Variants in NACC1 observed in about 807,000 individuals in gnomAD.
NACC1 encodes nucleus accumbens associated 1, also known as nucleus accumbens-associated protein 1.
NACC1 carries 6 observed loss-of-function variants against 41.7 expected under a neutral mutation model. The observed-to-expected ratio is 0.14, with a 90% CI of 0.08 to 0.28. NACC1 has a LOEUF of 0.28. Ranked by LOEUF, NACC1 falls within the 10% of genes least tolerant of loss-of-function variation. The pLI is 1.00. For synonymous variants in NACC1, 338 were observed against 330.6 expected (o/e 1.02, Z -0.24); for missense variants, 434 against 763.7 (o/e 0.57, Z 5.09).
intron 1 of NACC1, among the ~76,000 whole-genome samples, chr19:13,133,888 C>T (rs1599996042): frequency 6.6e-6 from 1 of 152,218 alleles, no homozygotes; most frequent in South Asian, 2.1e-4. Flanking sequence ...GACATTCCCA[C>T]AAGCAGTGGA....
Position 13,135,780 on chromosome 19 carries a change from G to A in NACC1, c.573G>A (p.Lys191=). 1 of 1,558,754 alleles carries A rather than the reference G, an allele frequency of 6.4e-7. No individual in the cohort carries two copies. The highest frequency in any genetic ancestry group is 1.2e-5 in the South Asian group (1 of 84,954). ...VAKRLWDSGQ[K]EAGGGGNGSR... is the part of the protein sequence containing the mutation. ...AGCGGCTGTGGGACAGTGGCCAGAA[G>A]GAGGCTGGGGGCGGCGGCAATGGCA... The change falls in exon 2 of 6, where the codon AAG becomes AAA. Residue 191 remains lysine (K), a synonymous_variant. Transcript: ENST00000292431.
chr19:13,132,848 C>A (rs1207446792), intron 1 of NACC1, among the ~76,000 whole-genome samples: 1 of 152,170 alleles, frequency 6.6e-6, no homozygotes, highest in Non-Finnish European at 1.5e-5. Flanking sequence ...CCTCCTCAGC[C>A]TCGATTTCCA....
Position 13,138,414 on chromosome 19 carries a change from A to T in NACC1, c.*8A>T. The stretch of plus-strand genomic sequence containing the variant: ...GCTGAAGCCCTGCAGTAACCCGCCC[A>T]GCCTCCCGCGGGGCCACACACTTCC... On this transcript the variant is annotated 3_prime_UTR_variant, in exon 6 of 6. Coordinates refer to ENST00000292431, the MANE Select transcript of NACC1 (RefSeq NM_052876.4). This position sits in a 1 kb window ranked among gnomAD's most constrained non-coding sequence, Gnocchi z 5.7. The T allele has an allele frequency of 6.2e-7, 1 of 1,607,730 alleles. No homozygotes were observed. The highest frequency in any genetic ancestry group is 8.5e-7 in the Non-Finnish European group (1 of 1,179,272).
intron 1 of NACC1, among the ~76,000 whole-genome samples, chr19:13,125,281 C>G (rs1250673419): frequency 1.3e-5 from 2 of 152,170 alleles, no homozygotes; most frequent in Non-Finnish European, 2.9e-5. Flanking sequence ...GGGCCCATCT[C>G]TCATAGATAG....
rs2019716819 is a variant in NACC1, at chr19:13,137,058, C to A, written c.1121-213C>A. 2.0e-5 allele frequency among the ~76,000 whole-genome samples: 3 copies of A among 152,172 alleles called. No individual in the cohort carries two copies. Among genetic ancestry groups the A allele is most frequent in the East Asian group, 1.9e-4 (1 of 5,182 alleles). On this transcript the variant is annotated intron_variant, in intron 3 of 5. Transcript: ENST00000292431. This position sits in a 1 kb window ranked among gnomAD's most constrained non-coding sequence, Gnocchi z 6.1. ...GGTGAAGCAACCCTTTCTGTCCTTT[C>A]CTGAGCACTGATGAGGTTGGGGGAG...
At position 13,118,451 on chromosome 19, in the gene NACC1, G is replaced by GCAGGTGAGGCGGCCCGCCT. The variant is rs1268018402; in HGVS notation, c.-9+2_-9+20dup. ...GGACCCCCCGGAGCGCGGCCACGGC[G>GCAGGTGAGGCGGCCCGCCT]CAGGTGAGGCGGCCCGCCTCAGGCC... On this transcript the variant is annotated 5_prime_UTR_variant, in exon 1 of 6. It introduces an in-frame stop codon into an upstream open reading frame of the 5' UTR. Coordinates refer to ENST00000292431, the MANE Select transcript of NACC1 (RefSeq NM_052876.4). 3 of 150,190 alleles carry GCAGGTGAGGCGGCCCGCCT rather than the reference G, an allele frequency of 2.0e-5. No homozygotes were observed. The highest frequency in any genetic ancestry group is 4.9e-5 in the African/African-American group (2 of 41,218). The allele number at this position is 150,190 out of a possible 1,614,324, so 9.3% of individuals were successfully genotyped here.
In NACC1 at chr19:13,135,977, G is replaced by A; in HGVS notation, c.770G>A (p.Ser257Asn). 1 of 1,609,138 alleles carries A rather than the reference G, an allele frequency of 6.2e-7. No homozygotes were observed. The highest frequency in any genetic ancestry group is 2.2e-5 in the East Asian group (1 of 44,688). ...AAAGGVVSGPSTSERTSPGTS... is the reference protein window; with the variant it reads ...AAAGGVVSGPNTSERTSPGTS... ...GCAGGGGGTGTGGTGAGTGGGCCCA[G>A]CACGTCGGAGCGGACCAGCCCAGGC... Residue 257 changes from serine to asparagine, a missense_variant, in exon 2 of 6, where the codon AGC becomes AAC. Physicochemically the swap from Ser to Asn is conservative, Grantham distance 46 (BLOSUM62 1). This residue lies in a region of NACC1 where 234 missense variants were observed against 308.3 expected (regional missense o/e 0.76). Coordinates refer to ENST00000292431, the MANE Select transcript of NACC1 (RefSeq NM_052876.4).
Position 13,137,984 on chromosome 19 carries a change from G to C in NACC1, c.1325-163G>C, listed in dbSNP as rs2019730223. On this transcript the variant is annotated intron_variant, in intron 5 of 5. Coordinates refer to ENST00000292431, the MANE Select transcript of NACC1 (RefSeq NM_052876.4). This position sits in a 1 kb window ranked among gnomAD's most constrained non-coding sequence, Gnocchi z 6.1. ...ACATCCCCACACATGGCTGAACTCA[G>C]TCCGGTGTAGGGTTGGGTGCACGTA... Among the ~76,000 whole-genome samples, 1 of 152,256 alleles carries C rather than the reference G, an allele frequency of 6.6e-6. No homozygotes were observed. Among genetic ancestry groups the C allele is most frequent in the African/African-American group, 2.4e-5 (1 of 41,470 alleles).
intron 1 of NACC1, among the ~76,000 whole-genome samples, chr19:13,124,915 C>CA (rs1351950286): frequency 2.6e-5 from 4 of 151,858 alleles, no homozygotes; most frequent in Non-Finnish European, 5.9e-5. Context: ...CTCATCTTTA[C>CA]AAAAAAATTT....
intron 1 of NACC1, among the ~76,000 whole-genome samples, chr19:13,133,403 C>T (rs916106948): frequency 6.6e-6 from 1 of 152,100 alleles, no homozygotes; most frequent in Non-Finnish European, 1.5e-5. Flanking sequence ...TTTGCCTTCC[C>T]TTTGCTTTCC....
Position 13,136,363 on chromosome 19 carries a change from TACG to T in NACC1, c.1083_1085del (p.Asp361del). The T allele has an allele frequency of 6.2e-7, 1 of 1,614,076 alleles. No homozygotes were observed. Among genetic ancestry groups the T allele is most frequent in the South Asian group, 1.1e-5 (1 of 91,088 alleles). On this transcript the variant is annotated inframe_deletion, in exon 3 of 6. Transcript: ENST00000292431. The surrounding 1 kb of genome is among the most constrained non-coding windows in gnomAD (Gnocchi z 5.5). ...TGGGAACCGCTGCCACCCCAAGCTC[TACG>T]ACGAGGGCGACCCCTCTGAGAAGCT...
chr19:13,136,221 T>C lies in NACC1; in HGVS notation c.947-11T>C. The C allele has an allele frequency of 6.2e-7, 1 of 1,609,136 alleles. No individual in the cohort carries two copies. The highest frequency in any genetic ancestry group is 8.5e-7 in the Non-Finnish European group (1 of 1,177,104). On this transcript the variant is annotated splice_polypyrimidine_tract_variant and intron_variant, in intron 2 of 5. Coordinates refer to ENST00000292431, the MANE Select transcript of NACC1 (RefSeq NM_052876.4). The surrounding 1 kb of genome is among the most constrained non-coding windows in gnomAD (Gnocchi z 5.5). The stretch of plus-strand genomic sequence containing the variant: ...TCCTCCTGCCACTCGCGTGCCACTC[T>C]CTCCCTGCAGCCGAGAAGGTGGAGG...
At chr19:13,127,872 C>T in intron 1 of NACC1, among the ~76,000 whole-genome samples, 1 of 152,080 alleles carries the variant, frequency 6.6e-6, no homozygotes, top group South Asian at 2.1e-4. Flanking sequence ...AGAGAAAGGG[C>T]TTTATGTGAC....
chr19:13,126,564 C>G (rs984549638), intron 1 of NACC1, among the ~76,000 whole-genome samples: 5 of 152,128 alleles, frequency 3.3e-5, no homozygotes, highest in African/African-American at 1.2e-4. Context: ...ACAGTTACTA[C>G]TCCCAGGAAT....
intron 1 of NACC1, among the ~76,000 whole-genome samples, chr19:13,125,464 A>T (rs2019550590): frequency 7.5e-6 from 1 of 133,048 alleles, no homozygotes; most frequent in East Asian, 2.2e-4. Context: ...CTTGTTGCCC[A>T]GGCTGGAGTG....
chr19:13,124,414 A>G (rs1056828492), intron 1 of NACC1, among the ~76,000 whole-genome samples: 3 of 151,988 alleles, frequency 2.0e-5, no homozygotes, highest in African/African-American at 7.3e-5. Context: ...AAAGAAAAAA[A>G]AATACTGATG....
chr19:13,122,390 C>T (rs2019507165), intron 1 of NACC1, among the ~76,000 whole-genome samples: 1 of 152,140 alleles, frequency 6.6e-6, no homozygotes, highest in Non-Finnish European at 1.5e-5. Context: ...GTCTTTACCT[C>T]TGAGCCTCAG....
chr19:13,117,036 G>A (rs559461075), upstream of NACC1: 1 of 152,690 alleles, frequency 6.5e-6, no homozygotes, highest in Non-Finnish European at 1.5e-5. Flanking sequence ...AGGCTCTGGA[G>A]TTGGATTTAC....
intron 1 of NACC1, among the ~76,000 whole-genome samples, chr19:13,133,991 A>T (rs2019666529): frequency 6.6e-6 from 1 of 152,054 alleles, no homozygotes; most frequent in South Asian, 2.1e-4. Flanking sequence ...TAGGATTTGC[A>T]TTTCCCTGAT....
Sources: allele counts gnomAD v4.1 joint callset (sites outside exome capture counted in the v4.1 genomes callset), GRCh38; gene constraint gnomAD v4.1.1; regional missense constraint gnomAD v4.1.1; non-coding constraint Gnocchi (gnomAD v3.1); transcripts MANE v1.5; gene names NCBI Gene and HGNC (gene_info 2026-07-23, HGNC 2026-07-21).